The following CABIN1 variants were observed in gnomAD, a reference collection of about 807,000 sequenced individuals.
The protein encoded by CABIN1 is calcineurin binding protein 1, also known as calcineurin-binding protein cabin-1.
CABIN1 carries 133 observed loss-of-function variants against 227.7 expected under a neutral mutation model. That is an observed-to-expected ratio of 0.58 (90% CI 0.51 to 0.67). The LOEUF (loss-of-function observed/expected upper bound fraction) is 0.67, where lower values mean the gene tolerates loss of function less well. Among genes scored for constraint, CABIN1 ranks in the 30% least tolerant of loss-of-function variants. CABIN1 has a pLI of 0.00. For missense variants in CABIN1, 2,408 were observed against 2,852.5 expected, an observed-to-expected ratio of 0.84 and a Z score of 3.55; for synonymous variants, 1,086 against 1,155.1, an observed-to-expected ratio of 0.94 and a Z score of 1.21.
At chr22:24,024,810 T>C (rs1231011593) in intron 1 of CABIN1, among the ~76,000 whole-genome samples, 1 of 152,224 alleles carries the variant, frequency 6.6e-6, no homozygotes, top group African/African-American at 2.4e-5. Context: ...GAATTTTCAG[T>C]TGTATTTTTA....
chr22:24,049,443 CCCGCCTCTCCTGCTGT>C (rs1432391336), intron 7 of CABIN1, among the ~76,000 whole-genome samples: 1 of 152,224 alleles, frequency 6.6e-6, no homozygotes, highest in Admixed American at 6.5e-5. Flanking sequence ...CTGCCTGCTG[CCCGCCTCTCCTGCTGT>C]CCTGCCAGCT....
intron 29 of CABIN1, among the ~76,000 whole-genome samples, chr22:24,149,582 C>G (rs148810139): frequency 1.3e-5 from 2 of 152,314 alleles, no homozygotes; most frequent in African/African-American, 2.4e-5. Context: ...ATTCAAAATA[C>G]AAGTTTTGAA....
At position 24,093,177 on chromosome 22, in the gene CABIN1, T is replaced by A. The variant is rs1408500756; in HGVS notation, c.3786+1334T>A. Among the ~76,000 whole-genome samples, 5 of 152,352 alleles carry A rather than the reference T, an allele frequency of 3.3e-5. No homozygotes were observed. In the East Asian group the frequency reaches 9.6e-4, roughly 29 times the overall value. ...CTACTTGCCCCAAGGTCGTACTGAC[T>A]GATGAGAGTGTTTGCTTTCCCTCAG... is the stretch of plus-strand genomic sequence containing the variant. On this transcript the variant is annotated intron_variant, in intron 24 of 36. Transcript: ENST00000263119.
At chr22:24,024,194 A>G (rs2035920156) in intron 1 of CABIN1, among the ~76,000 whole-genome samples, 1 of 152,152 alleles carries the variant, frequency 6.6e-6, no homozygotes, top group South Asian at 2.1e-4. Flanking sequence ...CCTTTGCATA[A>G]AAGTTTTTTT....
At chr22:24,164,683 C>T (rs1231410921) in intron 30 of CABIN1, 120 bp downstream of exon 30, 5 of 1,178,916 alleles carry the variant, frequency 4.2e-6, no homozygotes, top group Admixed American at 2.0e-5. Context: ...GGAGCCTGGA[C>T]CAGCTCTTCA....
At chr22:24,134,181 G>A in intron 28 of CABIN1, 121 bp from the exon 29 acceptor site, 3 of 712,752 alleles carry the variant, frequency 4.2e-6, no homozygotes, top group Non-Finnish European at 7.6e-6. Flanking sequence ...ATCGATGTCT[G>A]CAGGAACTGC....
At chr22:24,153,794 C>T (rs564421502) in intron 29 of CABIN1, among the ~76,000 whole-genome samples, 2 of 152,250 alleles carry the variant, frequency 1.3e-5, no homozygotes, top group Admixed American at 1.3e-4. Flanking sequence ...GAGCAACATT[C>T]TCCCAGGGAA....
intron 12 of CABIN1, 125 bp downstream of exon 12, chr22:24,060,266 T>G: frequency 1.1e-6 from 1 of 918,936 alleles, no homozygotes. Context: ...GAACCTGGTT[T>G]TTTTGTGGGT....
At chr22:24,139,957 A>G (rs1225852467) in intron 29 of CABIN1, among the ~76,000 whole-genome samples, 1 of 152,250 alleles carries the variant, frequency 6.6e-6, no homozygotes, top group Non-Finnish European at 1.5e-5. Context: ...CTGACAGTAG[A>G]GCACTGCCTG....
chr22:24,090,129 A>C lies in CABIN1; in HGVS notation c.3526-1454A>C, dbSNP rs377465070. Among the ~76,000 whole-genome samples, 90 of 152,318 alleles carry C rather than the reference A, an allele frequency of 5.9e-4. 1 individual carries two copies. In the South Asian group the frequency reaches 0.018, roughly 30 times the overall value. ...TGAGGTATTGTGACCTCCACACCAC[A>C]AGGACAGGGACATTGGCATTGTGCC... On this transcript the variant is annotated intron_variant, in intron 23 of 36. Transcript: ENST00000263119.
At chr22:24,086,611 C>T (rs1056821445) in intron 22 of CABIN1, among the ~76,000 whole-genome samples, 3 of 152,212 alleles carry the variant, frequency 2.0e-5, no homozygotes, top group Admixed American at 2.0e-4. Flanking sequence ...GCATTAAGGA[C>T]GATTGGCATG....
intron 1 of CABIN1, among the ~76,000 whole-genome samples, chr22:24,032,033 G>A (rs1384373761): frequency 5.9e-5 from 9 of 152,202 alleles, no homozygotes; most frequent in Non-Finnish European, 1.2e-4. Context: ...TAAGTGTACA[G>A]CTCAGTGGCA....
intron 16 of CABIN1, among the ~76,000 whole-genome samples, chr22:24,067,410 A>T (rs968206325): frequency 2.6e-5 from 4 of 151,998 alleles, no homozygotes; most frequent in African/African-American, 9.7e-5. Flanking sequence ...CTCAGGGTGA[A>T]CCCCACACTT....
chr22:24,102,036 C>T (rs1012609067), intron 26 of CABIN1, among the ~76,000 whole-genome samples: 1 of 152,166 alleles, frequency 6.6e-6, no homozygotes, highest in African/African-American at 2.4e-5. Context: ...GGAACCTGAG[C>T]TGAGGGCAGG....
rs2038794024 is a variant in CABIN1 at position 24,056,333 on chromosome 22, A to G, written c.1235A>G (p.Glu412Gly). The change falls in exon 10 of 37, where the codon GAG (glutamate) becomes GGG (glycine). Residue 412 changes from glutamate to glycine, a missense_variant. By Grantham distance (98) the Glu-to-Gly change is moderately conservative (BLOSUM62 -2). Transcript: ENST00000263119. ...AAAGAAGAGAAAGTAGACTTCCAGG[A>G]GCTTCTGATGAAGTTCTTGCCGTCC... ...CKKEEKVDFQELLMKFLPSRL... is the reference protein window; with the variant it reads ...CKKEEKVDFQGLLMKFLPSRL... The G allele has an allele frequency of 1.2e-6, 2 of 1,613,946 alleles. No individual in the cohort carries two copies. Among genetic ancestry groups the G allele is most frequent in the Admixed American group, 3.3e-5 (2 of 60,004 alleles).
intron 1 of CABIN1, among the ~76,000 whole-genome samples, chr22:24,026,668 T>C (rs2036112775): frequency 6.6e-6 from 1 of 152,250 alleles, no homozygotes; most frequent in African/African-American, 2.4e-5. Context: ...GAATTGCCTT[T>C]GCACCATAGT....
chr22:24,105,774 T>C (rs562780541), intron 26 of CABIN1, among the ~76,000 whole-genome samples: 1 of 152,226 alleles, frequency 6.6e-6, no homozygotes, highest in African/African-American at 2.4e-5. Context: ...CAAAAGCCCC[T>C]CCACAGAAAA....
intron 29 of CABIN1, among the ~76,000 whole-genome samples, chr22:24,157,990 G>C (rs1244930945): frequency 1.3e-5 from 2 of 152,180 alleles, no homozygotes; most frequent in African/African-American, 4.8e-5. Context: ...TGTGCCCACT[G>C]CTCTTGGGAA....
intron 18 of CABIN1, 47 bp downstream of exon 18, chr22:24,072,557 C>T (rs2040167856): frequency 6.2e-7 from 1 of 1,610,744 alleles, no homozygotes; most frequent in Non-Finnish European, 8.5e-7. Flanking sequence ...ACTCCCATGT[C>T]CTTGCCCCTG....
Sources: allele counts gnomAD v4.1 joint callset (sites outside exome capture counted in the v4.1 genomes callset), GRCh38; gene constraint gnomAD v4.1.1; transcripts MANE v1.5; gene names NCBI Gene and HGNC (gene_info 2026-07-23, HGNC 2026-07-21).